The following KIAA1671 variants were observed in gnomAD, a reference collection of about 807,000 sequenced individuals.
KIAA1671 encodes the protein uncharacterized protein KIAA1671.
KIAA1671 carries 52 observed loss-of-function variants against 131.2 expected under a neutral mutation model. The observed-to-expected ratio is 0.40, with a 90% CI of 0.32 to 0.50. The LOEUF (loss-of-function observed/expected upper bound fraction) is 0.50, where lower values mean the gene tolerates loss of function less well. Among genes scored for constraint, KIAA1671 ranks in the 20% least tolerant of loss-of-function variants. The pLI, the probability that KIAA1671 is intolerant of heterozygous loss-of-function variation, is 0.73. For missense variants in KIAA1671, 2,360 were observed against 2,364.2 expected, an observed-to-expected ratio of 1.00 and a Z score of 0.04; for synonymous variants, 1,003 against 961.6, an observed-to-expected ratio of 1.04 and a Z score of -0.80.
At chr22:25,093,733 ACACACTCTCTCTCTCTCT>A (rs1930157825) in intron 6 of KIAA1671, among the ~76,000 whole-genome samples, 1 of 33,222 alleles carries the variant, frequency 3.0e-5, no homozygotes, top group South Asian at 8.8e-4. Flanking sequence ...ACACACACAC[ACACACTCTCTCTCTCTCT>A]CTCTCTCTCT....
At chr22:25,092,578 G>A (rs1313092763) in intron 6 of KIAA1671, among the ~76,000 whole-genome samples, 1 of 152,198 alleles carries the variant, frequency 6.6e-6, no homozygotes, top group African/African-American at 2.4e-5. Context: ...TGGAGGGGCA[G>A]GAGGTAAAGC....
At chr22:25,103,303 C>G (rs1184328957) in intron 6 of KIAA1671, among the ~76,000 whole-genome samples, 4 of 151,734 alleles carry the variant, frequency 2.6e-5, no homozygotes, top group African/African-American at 9.7e-5. Flanking sequence ...CTCTGCCTCC[C>G]AGGTTCAAGC....
chr22:25,113,261 G>A (rs1334960881), intron 6 of KIAA1671, among the ~76,000 whole-genome samples: 4 of 152,150 alleles, frequency 2.6e-5, no homozygotes, highest in African/African-American at 7.2e-5. Flanking sequence ...CCCATTCACG[G>A]CTCTTTGCAG....
At chr22:25,007,069 A>G (rs1342733376) in intron 1 of KIAA1671, among the ~76,000 whole-genome samples, 1 of 152,132 alleles carries the variant, frequency 6.6e-6, no homozygotes, top group Non-Finnish European at 1.5e-5. Context: ...TGTGGTCACC[A>G]TCTGTGGCCA....
At chr22:25,187,336 A>G (rs967330567) in intron 11 of KIAA1671, among the ~76,000 whole-genome samples, 3 of 152,188 alleles carry the variant, frequency 2.0e-5, no homozygotes, top group Non-Finnish European at 2.9e-5. Flanking sequence ...ATGACTGTTG[A>G]TATCTGGGCA....
intron 6 of KIAA1671, chr22:25,053,398 T>G (rs1227375520): frequency 1.3e-5 from 2 of 152,232 alleles, no homozygotes; most frequent in African/African-American, 4.8e-5. Flanking sequence ...AGTTGTGGAC[T>G]GTGACCTCGA....
chr22:25,178,932 G>A (rs1018657242), intron 9 of KIAA1671, among the ~76,000 whole-genome samples: 4 of 152,188 alleles, frequency 2.6e-5, no homozygotes, highest in African/African-American at 9.7e-5. Context: ...AGGGGCGCCG[G>A]CTCAGAGGAC....
intron 11 of KIAA1671, among the ~76,000 whole-genome samples, chr22:25,188,247 G>T (rs879348829): frequency 6.6e-6 from 1 of 152,192 alleles, no homozygotes; most frequent in Non-Finnish European, 1.5e-5. Context: ...CTTGCAGTAA[G>T]CCGAGATGGC....
chr22:25,163,331 A>ATTTTTTTT (rs132895), intron 6 of KIAA1671, among the ~76,000 whole-genome samples: 13 of 55,554 alleles, frequency 2.3e-4, no homozygotes, highest in South Asian at 1.1e-3. Flanking sequence ...ATTGCCTCAA[A>ATTTTTTTT]TTTTTTTTTT....
intron 6 of KIAA1671, among the ~76,000 whole-genome samples, chr22:25,082,137 A>C (rs563912568): frequency 1.8e-4 from 27 of 152,244 alleles, no homozygotes; most frequent in African/African-American, 6.0e-4. Context: ...CTGAGTGGAC[A>C]TGTGGTTTCT....
At chr22:25,014,417 G>GT (rs926175237) in intron 1 of KIAA1671, 24 of 149,918 alleles carry the variant, frequency 1.6e-4, no homozygotes, top group South Asian at 8.5e-4. Flanking sequence ...ATTTTTTTTT[G>GT]TTTTTTTTTG....
At chr22:24,992,107 G>A (rs1400212876) in intron 1 of KIAA1671, among the ~76,000 whole-genome samples, 2 of 152,154 alleles carry the variant, frequency 1.3e-5, no homozygotes, top group South Asian at 2.1e-4. Flanking sequence ...AACTGGCTGC[G>A]CCTGAAGCTA....
intron 6 of KIAA1671, among the ~76,000 whole-genome samples, chr22:25,085,276 G>C (rs1365688750): frequency 6.6e-6 from 1 of 152,212 alleles, no homozygotes; most frequent in Non-Finnish European, 1.5e-5. Context: ...ATTTGGCCTG[G>C]GAGGGCAGAG....
intron 1 of KIAA1671, among the ~76,000 whole-genome samples, chr22:25,019,050 TTGTGTGTGTGTGTGTG>T (rs377368958): frequency 7.6e-5 from 11 of 144,220 alleles, no homozygotes; most frequent in East Asian, 2.1e-4. Context: ...AATAGTTGTT[TTGTGTGTGTGTGTGTG>T]TGTGTGTGTG....
At chr22:25,152,443 T>C (rs1219587242) in intron 6 of KIAA1671, among the ~76,000 whole-genome samples, 1 of 151,722 alleles carries the variant, frequency 6.6e-6, no homozygotes, top group Admixed American at 6.6e-5. Context: ...ACAAACACAA[T>C]GCATGCAGGC....
Position 25,029,475 on chromosome 22 carries a change from G to A in KIAA1671, c.1476G>A (p.Glu492=), listed in dbSNP as rs1218543469. ...RIRGWTAESS[E]AKPEVRRRTF... ...GAGGCTGGACTGCCGAGAGCTCAGA[G>A]GCTAAGCCCGAGGTCAGGAGGAGGA... The change falls in exon 3 of 13, where the codon GAG becomes GAA. Residue 492 remains glutamate (E), a synonymous_variant. Coordinates refer to ENST00000358431, the MANE Select transcript of KIAA1671 (RefSeq NM_001145206.2). 5.8e-6 allele frequency: 9 copies of A among 1,551,174 alleles called. No homozygotes were observed. The East Asian group carries it at 7.3e-5, about 13-fold the overall frequency.
chr22:25,100,002 C>A (rs2061077164), intron 6 of KIAA1671, among the ~76,000 whole-genome samples: 1 of 151,308 alleles, frequency 6.6e-6, no homozygotes, highest in African/African-American at 2.4e-5. Flanking sequence ...GGTGCAAGGG[C>A]CCCAGGCCAT....
At chr22:25,168,181 A>G (rs1004742084) in intron 6 of KIAA1671, among the ~76,000 whole-genome samples, 9 of 152,098 alleles carry the variant, frequency 5.9e-5, no homozygotes, top group Non-Finnish European at 1.3e-4. Context: ...TTAACTAAGC[A>G]CCTACTGCGT....
Position 25,028,326 on chromosome 22 carries a change from G to T in KIAA1671, c.327G>T (p.Arg109Ser), listed in dbSNP as rs1926069931. The T allele has an allele frequency of 1.9e-6, 3 of 1,550,810 alleles. No homozygotes were observed. The African/African-American group carries it at 4.1e-5, about 21-fold the overall frequency. Residue 109 changes from arginine to serine, a missense_variant, in exon 3 of 13, where the codon AGG (arginine) becomes AGT (serine). Around this residue, in one of 3 missense-constraint regions of KIAA1671, gnomAD observed 1,185 missense variants for 1,126.2 expected, o/e 1.05. Coordinates refer to ENST00000358431, the MANE Select transcript of KIAA1671 (RefSeq NM_001145206.2). ...EEPAAKDLDNRMPGLVGQEVG... is the reference protein window; with the variant it reads ...EEPAAKDLDNSMPGLVGQEVG... The stretch of plus-strand genomic sequence containing the variant: ...CAGCAGCAAAGGATCTGGACAACAG[G>T]ATGCCCGGCTTGGTGGGGCAGGAGG...
Sources: gnomAD v4.1 joint callset for allele counts (sites outside exome capture counted in the v4.1 genomes callset) on GRCh38, gnomAD v4.1.1 for gene constraint, gnomAD v4.1.1 regional missense constraint, MANE v1.5 for transcripts, NCBI Gene and HGNC (gene_info 2026-07-23, HGNC 2026-07-21) for gene names.